Variants in CELSR1 observed in about 807,000 individuals in gnomAD.
CELSR1 encodes the protein cadherin EGF LAG seven-pass G-type receptor 1.
In CELSR1, 110 loss-of-function variants were observed where a neutral mutation model predicts 249.1. That is an observed-to-expected ratio of 0.44 (90% CI 0.38 to 0.52). CELSR1 has a LOEUF of 0.52. CELSR1 is among the 20% of genes least tolerant of loss of function. The probability of loss-of-function intolerance (pLI) is 0.00; values close to 1 mark genes in which losing one functional copy is unlikely to be tolerated. For synonymous variants in CELSR1, 2,113 were observed against 1,900.0 expected, an observed-to-expected ratio of 1.11 and a Z score of -2.92; for missense variants, 4,109 against 4,296.4, an observed-to-expected ratio of 0.96 and a Z score of 1.22.
chr22:46,384,472 C>T (rs6007896), intron 20 of CELSR1, 71 bp downstream of exon 20: 33 of 1,495,530 alleles, frequency 2.2e-5, no homozygotes, highest in Admixed American at 1.2e-4. Context: ...CTGCGATGCC[C>T]GCAGCGGGGC....
chr22:46,367,109 C>G lies in CELSR1; in HGVS notation c.8089G>C (p.Val2697Leu), dbSNP rs200319625. The change falls in exon 29 of 35, where the codon GTC (valine) becomes CTC (leucine). Residue 2697 changes from valine (V) to leucine (L), a missense_variant. By Grantham distance (32) the Val-to-Leu change is conservative. Around this residue, in one of 7 missense-constraint regions of CELSR1, gnomAD observed 1,805 missense variants for 1,831.6 expected, o/e 0.99. Coordinates refer to ENST00000674500, the MANE Select transcript of CELSR1 (RefSeq NM_001378328.1). ...TTGAGCACGCAGTGGAAAAGGAGGA[C>G]GAAGGGGCCCTGGAGGGAGGAAGGT... ...AIFSGLQGPFVLLFHCVLNQE... is the reference protein window; with the variant it reads ...AIFSGLQGPFLLLFHCVLNQE... 3 of 1,610,994 alleles carry G rather than the reference C, an allele frequency of 1.9e-6. No homozygotes were observed. The highest frequency in any genetic ancestry group is 2.5e-6 in the Non-Finnish European group (3 of 1,179,538).
chr22:46,422,870 TA>T (rs1380426660), intron 5 of CELSR1, among the ~76,000 whole-genome samples: 1 of 151,986 alleles, frequency 6.6e-6, no homozygotes, highest in African/African-American at 2.4e-5. Context: ...CAGAAGGGCA[TA>T]AAAGGAACAC....
chr22:46,377,520 T>C (rs889898474), intron 23 of CELSR1: 7 of 520,492 alleles, frequency 1.3e-5, no homozygotes, highest in Non-Finnish European at 2.1e-5. Flanking sequence ...TGGGGGCCGT[T>C]CAGAGACCTC....
chr22:46,456,104 A>G (rs1393866606), intron 2 of CELSR1, among the ~76,000 whole-genome samples: 1 of 152,262 alleles, frequency 6.6e-6, no homozygotes, highest in Non-Finnish European at 1.5e-5. Context: ...AATGAGTTTT[A>G]TTTTGAATGA....
In CELSR1 at chr22:46,433,538, G is replaced by A. The variant is rs1455600556; in HGVS notation, c.4523-57C>T. Reference sequence around the variant, plus strand: ...ACAGGGGTTGGCGGGGCCTACTGGGGACCGAGGATTGCGCTGTGAGGCATC... The same window carrying A: ...ACAGGGGTTGGCGGGGCCTACTGGGAACCGAGGATTGCGCTGTGAGGCATC... On this transcript the variant is annotated intron_variant, in intron 4 of 34. Transcript: ENST00000674500. This position sits in a 1 kb window ranked among gnomAD's most constrained non-coding sequence, Gnocchi z 5.7. 2 of 1,399,384 alleles carry A rather than the reference G, an allele frequency of 1.4e-6. No individual in the cohort carries two copies. Among genetic ancestry groups the A allele is most frequent in the Non-Finnish European group, 2.0e-6 (2 of 998,808 alleles). The allele number at this position is 1,399,384 out of a possible 1,614,324, so 86.7% of individuals were successfully genotyped here. A position where few individuals can be genotyped will look rare whatever the true frequency, so the allele number is the denominator to read the frequency against.
intron 2 of CELSR1, among the ~76,000 whole-genome samples, chr22:46,452,265 C>T (rs547179190): frequency 2.3e-4 from 35 of 152,292 alleles, no homozygotes; most frequent in African/African-American, 7.9e-4. Context: ...CCCAGCATCT[C>T]CTGGAGCCTA....
rs1190255161 is a variant in CELSR1, at chr22:46,536,855, G to T, written c.316C>A (p.Arg106=). 1 of 1,231,178 alleles carries T rather than the reference G, an allele frequency of 8.1e-7. No homozygotes were observed. Among genetic ancestry groups the T allele is most frequent in the South Asian group, 2.5e-5 (1 of 40,466 alleles). 76.3% of individuals were successfully genotyped at this position (1,231,178 alleles called of 1,614,324 possible). A position where few individuals can be genotyped will look rare whatever the true frequency, so the allele number is the denominator to read the frequency against. Residue 106 remains arginine, a synonymous_variant, in exon 1 of 35, where the codon CGG becomes AGG. Transcript: ENST00000674500. ...CAGCCGGGAAGGTGCGTGCGCGCCCGCAGGCGGCGGCTCAGCGCCGTCGGG... is the reference window on the plus strand; with the variant it reads ...CAGCCGGGAAGGTGCGTGCGCGCCCTCAGGCGGCGGCTCAGCGCCGTCGGG... The part of the protein sequence containing the change: ...SAPTALSRRL[R]ARTHLPGCGA...
At position 46,536,274 on chromosome 22, in the gene CELSR1, G is replaced by A. The variant is rs529334548; in HGVS notation, c.897C>T (p.Asp299=). ...DERSRGYFRI[D]SATGAVSTDS... ...CCGTGCTCACGGCGCCCGTGGCAGAGTCGATTCGGAAGTAGCCCCGGGAGC... is the reference window on the plus strand; with the variant it reads ...CCGTGCTCACGGCGCCCGTGGCAGAATCGATTCGGAAGTAGCCCCGGGAGC... The change falls in exon 1 of 35, where the codon GAC becomes GAT. Residue 299 remains aspartate, a synonymous_variant. Transcript: ENST00000674500. 3 of 1,612,534 alleles carry A rather than the reference G, an allele frequency of 1.9e-6. 1 individual carries two copies. The highest frequency in any genetic ancestry group is 2.2e-5 in the South Asian group (2 of 91,074).
intron 1 of CELSR1, among the ~76,000 whole-genome samples, chr22:46,532,644 G>A (rs13054163): frequency 2.0e-5 from 3 of 152,180 alleles, no homozygotes; most frequent in African/African-American, 7.2e-5. Context: ...GCCAATCTGA[G>A]CTCTTCTTGG....
Position 46,413,437 on chromosome 22 carries a change from C to T in CELSR1, c.4612-1678G>A, listed in dbSNP as rs1465469927. Among the ~76,000 whole-genome samples, 1 of 152,236 alleles carries T rather than the reference C, an allele frequency of 6.6e-6. No homozygotes were observed. The highest frequency in any genetic ancestry group is 1.5e-5 in the Non-Finnish European group (1 of 68,048). Reference sequence around the variant, plus strand: ...CTTCTCCTCCCTCTTATCCAATCATCTAACGTGAGTGAGACCCATGACTGT... The same window carrying T: ...CTTCTCCTCCCTCTTATCCAATCATTTAACGTGAGTGAGACCCATGACTGT... On this transcript the variant is annotated intron_variant, in intron 5 of 34. Coordinates refer to ENST00000674500, the MANE Select transcript of CELSR1 (RefSeq NM_001378328.1). This position sits in a 1 kb window ranked among gnomAD's most constrained non-coding sequence, Gnocchi z 4.7.
Position 46,431,898 on chromosome 22 carries a change from C to G in CELSR1, c.4611+1495G>C, listed in dbSNP as rs535517904. On this transcript the variant is annotated intron_variant, in intron 5 of 34. Coordinates refer to ENST00000674500, the MANE Select transcript of CELSR1 (RefSeq NM_001378328.1). ...CTGCACCTCTGTCAAGCACATGGTTCTCCAAACATCAGCCAAGCCCCACTA... is the reference window on the plus strand; with the variant it reads ...CTGCACCTCTGTCAAGCACATGGTTGTCCAAACATCAGCCAAGCCCCACTA... 7.2e-5 allele frequency among the ~76,000 whole-genome samples: 11 copies of G among 152,392 alleles called. 1 individual carries two copies. Among genetic ancestry groups the G allele is most frequent in the African/African-American group, 2.2e-4 (9 of 41,594 alleles).
chr22:46,525,787 C>G (rs1247376570), intron 1 of CELSR1, among the ~76,000 whole-genome samples: 1 of 152,262 alleles, frequency 6.6e-6, no homozygotes, highest in Admixed American at 6.5e-5. Context: ...TCCCCTTCCT[C>G]AACAGGTTCT....
rs535288605 is a variant in CELSR1 at position 46,453,938 on chromosome 22, C to A, written c.4183+9769G>T. On this transcript the variant is annotated intron_variant, in intron 2 of 34. Coordinates refer to ENST00000674500, the MANE Select transcript of CELSR1 (RefSeq NM_001378328.1). ...CGGGGTTGTTAGCAAAATAATGGACCCCAAAAGGCGTCCACATCTTCATCT... is the reference window on the plus strand; with the variant it reads ...CGGGGTTGTTAGCAAAATAATGGACACCAAAAGGCGTCCACATCTTCATCT... Among the ~76,000 whole-genome samples, 3 of 152,246 alleles carry A rather than the reference C, an allele frequency of 2.0e-5. No individual in the cohort carries two copies. The South Asian group carries it at 6.2e-4, about 32-fold the overall frequency.
Position 46,363,917 on chromosome 22 carries a change from G to C in CELSR1, c.9035+79C>G. On this transcript the variant is annotated intron_variant, in intron 34 of 34. Transcript: ENST00000674500. The surrounding 1 kb of genome is among the most constrained non-coding windows in gnomAD (Gnocchi z 4.3). The stretch of plus-strand genomic sequence containing the variant: ...CAGGTGAGGTGGGTGTCAGGTCCCT[G>C]ACCACTGCCCCCTCTCTCTCCTGAC... The C allele has an allele frequency of 1.4e-6, 2 of 1,449,166 alleles. No homozygotes were observed. The highest frequency in any genetic ancestry group is 2.8e-5 in the South Asian group (2 of 70,234). The allele number at this position is 1,449,166 out of a possible 1,614,324, so 89.8% of individuals were successfully genotyped here. A position where few individuals can be genotyped will look rare whatever the true frequency, so the allele number is the denominator to read the frequency against.
chr22:46,523,447 G>C (rs1338223057), intron 1 of CELSR1, among the ~76,000 whole-genome samples: 1 of 152,048 alleles, frequency 6.6e-6, no homozygotes, highest in Non-Finnish European at 1.5e-5. Context: ...AGAATCGCTT[G>C]AACTTGTGAG....
At chr22:46,397,614 CTG>C (rs2079163323) in intron 12 of CELSR1, 58 bp downstream of exon 12, 1 of 1,360,840 alleles carries the variant, frequency 7.3e-7, no homozygotes, top group Non-Finnish European at 9.6e-7. Flanking sequence ...AGCCCCCCTC[CTG>C]TGTTTCAGCC....
chr22:46,430,726 C>T lies in CELSR1; in HGVS notation c.4611+2667G>A, dbSNP rs867535090. On this transcript the variant is annotated intron_variant, in intron 5 of 34. Transcript: ENST00000674500. This position sits in a 1 kb window ranked among gnomAD's most constrained non-coding sequence, Gnocchi z 4.6. ...AACCAGCCCCCAGAAGATTGTCTTC[C>T]TGACCTCAAGCTGGCCCCCGCCACC... Among the ~76,000 whole-genome samples the T allele has an allele frequency of 2.0e-5, 3 of 152,158 alleles. No individual in the cohort carries two copies. Among genetic ancestry groups the T allele is most frequent in the Non-Finnish European group, 4.4e-5 (3 of 68,032 alleles).
chr22:46,394,542 G>A, intron 13 of CELSR1, among the ~76,000 whole-genome samples: 1 of 152,206 alleles, frequency 6.6e-6, no homozygotes, highest in East Asian at 1.9e-4. Flanking sequence ...GGGGCTTAAT[G>A]ACAATGAACC....
intron 2 of CELSR1, among the ~76,000 whole-genome samples, chr22:46,452,812 C>T (rs750075219): frequency 2.6e-5 from 4 of 152,254 alleles, no homozygotes; most frequent in South Asian, 2.1e-4. Context: ...GCAGACTTCA[C>T]GCCGCCCTTG....
Sources: gnomAD v4.1 joint callset for allele counts (sites outside exome capture counted in the v4.1 genomes callset) on GRCh38, gnomAD v4.1.1 for gene constraint, gnomAD v4.1.1 regional missense constraint, Gnocchi (gnomAD v3.1) non-coding constraint, MANE v1.5 for transcripts, NCBI Gene and HGNC (gene_info 2026-07-23, HGNC 2026-07-21) for gene names.